Variants in GTF2F2 observed in about 807,000 individuals in gnomAD.
GTF2F2 encodes the protein general transcription factor IIF subunit 2.
GTF2F2 carries 23 observed loss-of-function variants against 42.2 expected under a neutral mutation model. That is an observed-to-expected ratio of 0.55 (90% CI 0.39 to 0.77). The LOEUF (loss-of-function observed/expected upper bound fraction) is 0.77, where lower values mean the gene tolerates loss of function less well. GTF2F2 is among the 30% of genes least tolerant of loss of function. The probability of loss-of-function intolerance (pLI) is 0.00; values close to 1 mark genes in which losing one functional copy is unlikely to be tolerated. For missense variants in GTF2F2, 261 were observed against 287.2 expected (o/e 0.91, Z 0.66); for synonymous variants, 105 against 100.8 (o/e 1.04, Z -0.25).
At chr13:45,218,414 A>G (rs1873976261) in intron 5 of GTF2F2, among the ~76,000 whole-genome samples, 1 of 152,224 alleles carries the variant, frequency 6.6e-6, no homozygotes, top group Admixed American at 6.5e-5. Flanking sequence ...TTTGTTAAAC[A>G]AGAAATTACT....
chr13:45,151,189 C>CCAAT (rs1166034950), intron 3 of GTF2F2, among the ~76,000 whole-genome samples: 1 of 151,994 alleles, frequency 6.6e-6, no homozygotes, highest in Non-Finnish European at 1.5e-5. Context: ...CCGTGTCTAC[C>CCAAT]CAATGTTTAG....
At chr13:45,251,525 A>G (rs1394788315) in intron 5 of GTF2F2, among the ~76,000 whole-genome samples, 1 of 152,190 alleles carries the variant, frequency 6.6e-6, no homozygotes, top group African/African-American at 2.4e-5. Flanking sequence ...ACATTTAGAA[A>G]ACAAACTTAA....
intron 1 of GTF2F2, among the ~76,000 whole-genome samples, chr13:45,123,646 AAC>A (rs1868804743): frequency 6.6e-6 from 1 of 151,272 alleles, no homozygotes; most frequent in African/African-American, 2.4e-5. Flanking sequence ...AAAAAAAAAA[AAC>A]AACCAAAACC....
chr13:45,149,607 G>T (rs1870381031), intron 2 of GTF2F2, among the ~76,000 whole-genome samples, 163 bp from the exon 3 acceptor site: 2 of 151,914 alleles, frequency 1.3e-5, no homozygotes, highest in Non-Finnish European at 2.9e-5. Context: ...TTCCCATAAG[G>T]TTATAAATAG....
In GTF2F2 at chr13:45,252,910, A is replaced by C. The variant is rs771970797; in HGVS notation, c.426A>C (p.Ser142=). The part of the protein sequence containing the change: ...IEESSKPVRL[S]QQLDKVVTTN... ...AGTCTTCCAAACCAGTGAGGCTATC[A>C]CAACAGCTGGACAAAGTTGTAACAA... Residue 142 remains serine, a synonymous_variant, in exon 6 of 8, where the codon TCA becomes TCC. Transcript: ENST00000340473. 6 of 1,514,068 alleles carry C rather than the reference A, an allele frequency of 4.0e-6. No individual in the cohort carries two copies. The highest frequency in any genetic ancestry group is 5.3e-6 in the Non-Finnish European group (6 of 1,137,766). The allele number at this position is 1,514,068 out of a possible 1,614,324, so 93.8% of individuals were successfully genotyped here.
intron 4 of GTF2F2, among the ~76,000 whole-genome samples, chr13:45,176,183 TG>T (rs1474273107): frequency 3.9e-5 from 6 of 152,370 alleles, no homozygotes; most frequent in Non-Finnish European, 5.9e-5. Context: ...GTGTGGACTT[TG>T]GTCACAGGAT....
chr13:45,222,492 T>C (rs886128698), intron 5 of GTF2F2, among the ~76,000 whole-genome samples: 44 of 152,218 alleles, frequency 2.9e-4, no homozygotes, highest in African/African-American at 1.0e-3. Context: ...AAATGGCATG[T>C]CTTTAGTATA....
chr13:45,179,430 G>A (rs542812486), intron 4 of GTF2F2, among the ~76,000 whole-genome samples: 1 of 152,326 alleles, frequency 6.6e-6, no homozygotes, highest in South Asian at 2.1e-4. Context: ...TACTTGGGGT[G>A]TAACTAGACT....
At chr13:45,252,333 A>G (rs1041195817) in intron 5 of GTF2F2, among the ~76,000 whole-genome samples, 6 of 152,016 alleles carry the variant, frequency 3.9e-5, no homozygotes, top group Non-Finnish European at 5.9e-5. Flanking sequence ...TTGTAGAGAC[A>G]GGATCAGTTT....
intron 6 of GTF2F2, among the ~76,000 whole-genome samples, chr13:45,257,337 C>T (rs907251256): frequency 1.3e-5 from 2 of 152,054 alleles, no homozygotes; most frequent in Admixed American, 6.6e-5. Flanking sequence ...ATTTCCTGTA[C>T]CTTAAATCTT....
intron 1 of GTF2F2, among the ~76,000 whole-genome samples, chr13:45,127,367 C>T (rs1425948047): frequency 6.6e-6 from 1 of 151,962 alleles, no homozygotes; most frequent in Non-Finnish European, 1.5e-5. Context: ...ACTCTGTCTC[C>T]CAGGCTGGAG....
intron 7 of GTF2F2, among the ~76,000 whole-genome samples, chr13:45,271,220 GGCGGAGGTTGCAGTGA>G (rs1275394237): frequency 6.6e-6 from 1 of 151,954 alleles, no homozygotes; most frequent in Admixed American, 6.6e-5. Context: ...GAACCCGGGA[GGCGGAGGTTGCAGTGA>G]GCGGAGATTG....
chr13:45,173,798 T>C (rs1268433181), intron 4 of GTF2F2, among the ~76,000 whole-genome samples: 1 of 151,762 alleles, frequency 6.6e-6, no homozygotes, highest in Non-Finnish European at 1.5e-5. Context: ...TTTGTATTTT[T>C]AGTAGAGATG....
chr13:45,248,912 C>T (rs1875760023), intron 5 of GTF2F2, among the ~76,000 whole-genome samples: 1 of 152,170 alleles, frequency 6.6e-6, no homozygotes. Flanking sequence ...AAAGTGGAGA[C>T]TCATTTTTTA....
At chr13:45,196,476 G>A (rs1323551073) in intron 4 of GTF2F2, among the ~76,000 whole-genome samples, 1 of 152,184 alleles carries the variant, frequency 6.6e-6, no homozygotes, top group Non-Finnish European at 1.5e-5. Context: ...GATTTTGAGG[G>A]AGAAGGGATA....
At chr13:45,145,166 T>C (rs1263821467) in intron 2 of GTF2F2, among the ~76,000 whole-genome samples, 1 of 152,226 alleles carries the variant, frequency 6.6e-6, no homozygotes, top group African/African-American at 2.4e-5. Flanking sequence ...AATTTCTCTT[T>C]GTTTCTTTCA....
chr13:45,179,060 A>G (rs1243187192), intron 4 of GTF2F2, among the ~76,000 whole-genome samples: 1 of 152,226 alleles, frequency 6.6e-6, no homozygotes, highest in African/African-American at 2.4e-5. Flanking sequence ...AGCAAAAGCA[A>G]AAGCTGCTAA....
Position 45,280,522 on chromosome 13 carries a change from C to T in GTF2F2, c.631-2920C>T, listed in dbSNP as rs185447937. ...ATCCTAAAAATCAGGAAGTTTGTGT[C>T]CCCTACCCCCTGATCACAGTACATT... On this transcript the variant is annotated intron_variant, in intron 7 of 7. Transcript: ENST00000340473. Among the ~76,000 whole-genome samples, 42 of 152,260 alleles carry T rather than the reference C, an allele frequency of 2.8e-4. 1 individual carries two copies. In the East Asian group the frequency reaches 7.5e-3, roughly 27 times the overall value.
intron 5 of GTF2F2, among the ~76,000 whole-genome samples, chr13:45,238,138 A>G (rs1388217991): frequency 6.6e-6 from 1 of 152,130 alleles, no homozygotes; most frequent in East Asian, 1.9e-4. Flanking sequence ...CATATTTAAT[A>G]GAGAAGAGGT....
Sources: allele counts gnomAD v4.1 joint callset (sites outside exome capture counted in the v4.1 genomes callset), GRCh38; gene constraint gnomAD v4.1.1; transcripts MANE v1.5; gene names NCBI Gene and HGNC (gene_info 2026-07-23, HGNC 2026-07-21).